ARHGEF38: variants seen among roughly 807,000 people sequenced by gnomAD.
ARHGEF38 encodes the protein Rho guanine nucleotide exchange factor (GEF) 38.
ARHGEF38 carries 79 observed loss-of-function variants against 79.9 expected under a neutral mutation model. The ratio of observed to expected loss-of-function variants is 0.99; its 90% CI spans 0.82 to 1.19. ARHGEF38 has a LOEUF of 1.19. Ranked by LOEUF, ARHGEF38 falls within the 50% of genes most tolerant of loss-of-function variation. ARHGEF38 has a pLI of 0.00. For missense variants in ARHGEF38, 962 were observed against 907.2 expected (o/e 1.06, Z -0.78); for synonymous variants, 366 against 328.3 (o/e 1.11, Z -1.24).
At chr4:105,602,605 C>A (rs1256439680) in intron 2 of ARHGEF38, among the ~76,000 whole-genome samples, 3 of 151,940 alleles carry the variant, frequency 2.0e-5, no homozygotes, top group Non-Finnish European at 2.9e-5. Context: ...GAGGGGAGAG[C>A]CTGCATTGAC....
intron 2 of ARHGEF38, among the ~76,000 whole-genome samples, chr4:105,593,589 T>C (rs1023448183): frequency 6.6e-6 from 1 of 152,004 alleles, no homozygotes; most frequent in African/African-American, 2.4e-5. Context: ...ACAAGAAAAG[T>C]CTTTCTTTGA....
At chr4:105,626,373 C>T (rs1325850685) in intron 3 of ARHGEF38, among the ~76,000 whole-genome samples, 2 of 152,142 alleles carry the variant, frequency 1.3e-5, no homozygotes, top group East Asian at 3.9e-4. Flanking sequence ...ATCTATTGAG[C>T]ATTTGCATGT....
At chr4:105,588,406 C>G (rs1481040717) in intron 1 of ARHGEF38, among the ~76,000 whole-genome samples, 1 of 152,234 alleles carries the variant, frequency 6.6e-6, no homozygotes, top group Non-Finnish European at 1.5e-5. Context: ...TACACAGACT[C>G]ACACACTGCC....
At position 105,589,454 on chromosome 4, in the gene ARHGEF38, T is replaced by A. The variant is rs774233475; in HGVS notation, c.384+19T>A. The A allele has an allele frequency of 9.6e-6, 15 of 1,567,600 alleles. No individual in the cohort carries two copies. In the Admixed American group the frequency reaches 2.2e-4, roughly 23 times the overall value. ...TAAAAAGGTAAATATATATTTGAGATTTTTTTTTCTCTCCCATATCATAAA... is the reference window on the plus strand; with the variant it reads ...TAAAAAGGTAAATATATATTTGAGAATTTTTTTTCTCTCCCATATCATAAA... On this transcript the variant is annotated intron_variant, in intron 2 of 13. Coordinates refer to ENST00000420470, the MANE Select transcript of ARHGEF38 (RefSeq NM_001242729.2).
chr4:105,648,732 A>C (rs1729961375), intron 7 of ARHGEF38, 50 bp downstream of exon 7: 3 of 1,462,622 alleles, frequency 2.1e-6, no homozygotes. Context: ...ACATGAATGC[A>C]GATATTTTTG....
At chr4:105,589,901 T>C (rs1727242371) in intron 2 of ARHGEF38, among the ~76,000 whole-genome samples, 1 of 151,814 alleles carries the variant, frequency 6.6e-6, no homozygotes, top group Non-Finnish European at 1.5e-5. Flanking sequence ...TAGCTGGGCA[T>C]GGTGGCACAC....
intron 2 of ARHGEF38, among the ~76,000 whole-genome samples, chr4:105,594,607 G>A (rs1328591519): frequency 6.6e-6 from 1 of 152,198 alleles, no homozygotes; most frequent in Non-Finnish European, 1.5e-5. Flanking sequence ...ATTGGATGAA[G>A]GAAGTTGAAA....
chr4:105,652,336 C>T (rs745541837), intron 7 of ARHGEF38, among the ~76,000 whole-genome samples: 4 of 152,164 alleles, frequency 2.6e-5, no homozygotes, highest in Non-Finnish European at 4.4e-5. Context: ...CTATTATTTT[C>T]ATTAAAACAA....
intron 1 of ARHGEF38, among the ~76,000 whole-genome samples, chr4:105,562,392 G>C (rs1001101129): frequency 6.6e-5 from 10 of 152,136 alleles, no homozygotes; most frequent in Non-Finnish European, 1.2e-4. Context: ...AAAATATCCA[G>C]TGAATAATTA....
intron 9 of ARHGEF38, among the ~76,000 whole-genome samples, chr4:105,657,173 G>T (rs779215176): frequency 6.6e-6 from 1 of 152,118 alleles, no homozygotes; most frequent in Non-Finnish European, 1.5e-5. Flanking sequence ...AGTCTTTAAA[G>T]GTTTGCTCTT....
chr4:105,667,157 A>C lies in ARHGEF38; in HGVS notation c.1718A>C (p.His573Pro). The C allele has an allele frequency of 6.5e-7, 1 of 1,534,598 alleles. No individual in the cohort carries two copies. The highest frequency in any genetic ancestry group is 1.4e-5 in the African/African-American group (1 of 73,156). ...GAAATGCCACATCAAACTGACATTCATCGCTCCAAACTTCTATCCACATAT... is the reference window on the plus strand; with the variant it reads ...GAAATGCCACATCAAACTGACATTCCTCGCTCCAAACTTCTATCCACATAT... ...LPEMPHQTDI[H>P]RSKLLSTYSA... Residue 573 changes from histidine to proline, a missense_variant, in exon 12 of 14, where the codon CAT becomes CCT. Transcript: ENST00000420470.
In ARHGEF38 at chr4:105,646,345, AC is replaced by A. The variant is rs548493408; in HGVS notation, c.874+959del. On this transcript the variant is annotated intron_variant, in intron 6 of 13. Transcript: ENST00000420470. ...TCACTGACATTAAATCAATAAAAAA[AC>A]ATTGTAATACAAAAAGGTTAAAAAT... Among the ~76,000 whole-genome samples the A allele has an allele frequency of 8.6e-4, 131 of 152,352 alleles. 1 individual carries two copies. Among genetic ancestry groups the A allele is most frequent in the African/African-American group, 2.1e-3 (89 of 41,584 alleles).
chr4:105,563,775 C>T (rs1037243235), intron 1 of ARHGEF38, among the ~76,000 whole-genome samples: 6 of 152,142 alleles, frequency 3.9e-5, no homozygotes, highest in African/African-American at 1.4e-4. Flanking sequence ...TAAGTTCTGC[C>T]AATACATTCA....
chr4:105,627,199 TG>T (rs1382361106), intron 3 of ARHGEF38, among the ~76,000 whole-genome samples: 1 of 152,122 alleles, frequency 6.6e-6, no homozygotes, highest in African/African-American at 2.4e-5. Context: ...CAAAAAGGGA[TG>T]AACTAAGGAA....
chr4:105,648,115 C>T (rs979128506), intron 6 of ARHGEF38, among the ~76,000 whole-genome samples: 1 of 151,930 alleles, frequency 6.6e-6, no homozygotes, highest in African/African-American at 2.4e-5. Flanking sequence ...ATCTCAAACT[C>T]GTGACCTCAT....
At chr4:105,639,460 T>C (rs1418522956) in intron 5 of ARHGEF38, among the ~76,000 whole-genome samples, 1 of 151,972 alleles carries the variant, frequency 6.6e-6, no homozygotes, top group African/African-American at 2.4e-5. Context: ...ATTCCAACAT[T>C]AGTTTATAAA....
Position 105,566,752 on chromosome 4 carries a change from C to CTTT in ARHGEF38, c.196+13805_196+13807dup, listed in dbSNP as rs70938197. 9.2e-5 allele frequency among the ~76,000 whole-genome samples: 13 copies of CTTT among 140,866 alleles called. 1 individual carries two copies. The highest frequency in any genetic ancestry group is 2.6e-4 in the African/African-American group (10 of 38,210). 92.4% of individuals were successfully genotyped at this position (140,866 alleles called of 152,430 possible). ...ACCCTTCCCAGCCTCTGGCAGCCAT[C>CTTT]TTTTTTTTTTTTTTTTAAGAGACGG... On this transcript the variant is annotated intron_variant, in intron 1 of 13. Transcript: ENST00000420470.
intron 2 of ARHGEF38, among the ~76,000 whole-genome samples, chr4:105,608,233 T>C (rs1292835897): frequency 6.6e-6 from 1 of 152,118 alleles, no homozygotes; most frequent in Non-Finnish European, 1.5e-5. Flanking sequence ...ATACTTGTTT[T>C]CCTTCATCTT....
chr4:105,658,674 G>A (rs1730436150), intron 9 of ARHGEF38, among the ~76,000 whole-genome samples: 2 of 152,144 alleles, frequency 1.3e-5, no homozygotes, highest in East Asian at 1.9e-4. Flanking sequence ...AAAGGCTAGA[G>A]ATTCCCCCCT....
Sources: allele counts gnomAD v4.1 joint callset (sites outside exome capture counted in the v4.1 genomes callset), GRCh38; gene constraint gnomAD v4.1.1; transcripts MANE v1.5; gene names NCBI Gene and HGNC (gene_info 2026-07-23, HGNC 2026-07-21).